Variants in IL1RAPL1 observed in about 807,000 individuals in gnomAD.
The protein encoded by IL1RAPL1 is interleukin-1 receptor accessory protein-like 1.
In IL1RAPL1, 3 loss-of-function variants were observed where a neutral mutation model predicts 48.4. The observed-to-expected ratio is 0.06, with a 90% CI of 0.03 to 0.16. IL1RAPL1 has a LOEUF of 0.16. Among genes scored for constraint, IL1RAPL1 ranks in the 10% least tolerant of loss-of-function variants. IL1RAPL1 has a pLI of 1.00. For missense variants in IL1RAPL1, 349 were observed against 530.6 expected, an observed-to-expected ratio of 0.66 and a Z score of 3.36; for synonymous variants, 185 against 187.7, an observed-to-expected ratio of 0.99 and a Z score of 0.12.
intron 2 of IL1RAPL1, among the ~76,000 whole-genome samples, chrX:29,002,520 T>A (rs1230596018): frequency 3.7e-5 from 4 of 109,239 alleles, no homozygotes; most frequent in Non-Finnish European, 7.6e-5. Context: ...TACTTTTCTA[T>A]ATGTATGTTT....
chrX:28,987,434 T>G (rs1333566162), intron 2 of IL1RAPL1, among the ~76,000 whole-genome samples: 5 of 112,183 alleles, frequency 4.5e-5, no homozygotes, highest in Non-Finnish European at 9.4e-5. Flanking sequence ...CTGGGTTAAA[T>G]GCTGTGGTAA....
At chrX:28,923,022 C>A (rs1923651090) in intron 2 of IL1RAPL1, among the ~76,000 whole-genome samples, 1 of 111,028 alleles carries the variant, frequency 9.0e-6, no homozygotes, top group Admixed American at 9.6e-5. Flanking sequence ...TTTGGATTAC[C>A]CCAACAGTAA....
chrX:28,651,766 CT>C (rs776295584), intron 1 of IL1RAPL1, among the ~76,000 whole-genome samples: 25 of 111,968 alleles, frequency 2.2e-4, no homozygotes, highest in Non-Finnish European at 3.6e-4. Context: ...TTGAACATTT[CT>C]TTTTTTATAG....
intron 6 of IL1RAPL1, among the ~76,000 whole-genome samples, chrX:29,679,157 G>T (rs1331694587): frequency 8.9e-6 from 1 of 111,768 alleles, no homozygotes; most frequent in Non-Finnish European, 1.9e-5. Context: ...ACTAGGAACA[G>T]GATACTTAAC....
chrX:29,101,782 G>A (rs1928343818), intron 2 of IL1RAPL1, among the ~76,000 whole-genome samples: 1 of 110,478 alleles, frequency 9.1e-6, no homozygotes, highest in Non-Finnish European at 1.9e-5. Flanking sequence ...CTAAAAATAC[G>A]AAAAATGAGC....
At chrX:29,926,270 G>A (rs1276401684) in intron 8 of IL1RAPL1, among the ~76,000 whole-genome samples, 1 of 112,333 alleles carries the variant, frequency 8.9e-6, no homozygotes. Context: ...AAAAGAAAAG[G>A]ACCATTGTCT....
rs932689426 is a variant in IL1RAPL1, at chrX:29,242,661, T to G, written c.83-40277T>G. On this transcript the variant is annotated intron_variant, in intron 2 of 10. Transcript: ENST00000378993. ...TGCTAGTATGCGTGATAAAATGGTATAATTCAAAGTATAACGAATAGCATT... is the reference window on the plus strand; with the variant it reads ...TGCTAGTATGCGTGATAAAATGGTAGAATTCAAAGTATAACGAATAGCATT... Among the ~76,000 whole-genome samples, 4 of 112,436 alleles carry G rather than the reference T, an allele frequency of 3.6e-5. No homozygotes were observed. The Admixed American group carries it at 3.8e-4, about 11-fold the overall frequency.
chrX:29,916,998 G>A (rs1601882116), intron 6 of IL1RAPL1, among the ~76,000 whole-genome samples: 1 of 112,051 alleles, frequency 8.9e-6, no homozygotes, highest in African/African-American at 3.2e-5. Flanking sequence ...TTGCGTTTAT[G>A]GTTCCTTTTT....
At chrX:29,575,369 G>A (rs1223318224) in intron 5 of IL1RAPL1, among the ~76,000 whole-genome samples, 2 of 111,650 alleles carry the variant, frequency 1.8e-5, no homozygotes, top group Non-Finnish European at 3.8e-5. Context: ...CCTCAAAAGC[G>A]GGGAAGCCAG....
chrX:28,840,546 A>G (rs1921342530), intron 2 of IL1RAPL1, among the ~76,000 whole-genome samples: 1 of 111,239 alleles, frequency 9.0e-6, no homozygotes, highest in Non-Finnish European at 1.9e-5. Flanking sequence ...AAACAATGTA[A>G]TTATACTATT....
chrX:29,821,456 AAAAAATAAAAT>A (rs1398647547), intron 6 of IL1RAPL1, among the ~76,000 whole-genome samples: 1 of 68,814 alleles, frequency 1.5e-5, no homozygotes, highest in Non-Finnish European at 2.8e-5. Flanking sequence ...TCTCAAAAAT[AAAAAATAAAAT>A]AAAAATAAAA....
intron 5 of IL1RAPL1, among the ~76,000 whole-genome samples, chrX:29,599,445 G>A (rs775402746): frequency 4.5e-5 from 5 of 111,784 alleles, no homozygotes; most frequent in South Asian, 3.7e-4. Context: ...CTCACAGCTC[G>A]TAAGATTCTT....
chrX:29,920,872 C>T (rs1601884453), intron 8 of IL1RAPL1, among the ~76,000 whole-genome samples: 1 of 98,836 alleles, frequency 1.0e-5, no homozygotes, highest in Non-Finnish European at 2.0e-5. Context: ...GGTTTTAAGT[C>T]AAAGATTGTA....
chrX:29,379,218 T>C (rs1226361277), intron 3 of IL1RAPL1, among the ~76,000 whole-genome samples: 1 of 112,548 alleles, frequency 8.9e-6, no homozygotes, highest in Non-Finnish European at 1.9e-5. Context: ...GCATCCAGGC[T>C]GGGCAGCATA....
intron 2 of IL1RAPL1, among the ~76,000 whole-genome samples, chrX:28,949,020 A>G (rs1260725745): frequency 9.0e-6 from 1 of 111,020 alleles, no homozygotes; most frequent in East Asian, 2.8e-4. Context: ...GATCACTACT[A>G]TATTATTGTT....
At chrX:29,160,778 G>A (rs1395449917) in intron 2 of IL1RAPL1, among the ~76,000 whole-genome samples, 2 of 112,530 alleles carry the variant, frequency 1.8e-5, no homozygotes, top group Admixed American at 9.4e-5. Flanking sequence ...TGTGGGCCGG[G>A]TTGGGTGGCT....
chrX:28,638,798 G>C (rs977038488), intron 1 of IL1RAPL1, among the ~76,000 whole-genome samples: 3 of 110,904 alleles, frequency 2.7e-5, no homozygotes, highest in African/African-American at 9.8e-5. Context: ...TAAATGAATG[G>C]GAAGCATGTA....
intron 1 of IL1RAPL1, among the ~76,000 whole-genome samples, chrX:28,591,497 A>G (rs1425968895): frequency 8.9e-6 from 1 of 112,288 alleles, no homozygotes; most frequent in East Asian, 2.8e-4. Flanking sequence ...GTGTTTTTAT[A>G]AAGCAGACTA....
intron 6 of IL1RAPL1, among the ~76,000 whole-genome samples, chrX:29,834,064 A>G (rs7881568): frequency 0.049 from 5,477 of 111,929 alleles, 332 homozygotes; most frequent in African/African-American, 0.17. Context: ...CAGTAATTCC[A>G]TAGAAAAATC....
Sources: allele counts gnomAD v4.1 joint callset (sites outside exome capture counted in the v4.1 genomes callset), GRCh38; gene constraint gnomAD v4.1.1; transcripts MANE v1.5; gene names NCBI Gene and HGNC (gene_info 2026-07-23, HGNC 2026-07-21).